CEP63: variants seen among roughly 807,000 people sequenced by gnomAD.
CEP63 encodes centrosomal protein of 63 kDa.
CEP63 carries 84 observed loss-of-function variants against 89.1 expected under a neutral mutation model. The observed-to-expected ratio is 0.94, with a 90% CI of 0.79 to 1.13. The LOEUF (loss-of-function observed/expected upper bound fraction) is 1.13. Ranked by LOEUF, CEP63 falls within the 50% of genes most tolerant of loss-of-function variation. The pLI, the probability that CEP63 is intolerant of heterozygous loss-of-function variation, is 0.00. For synonymous variants in CEP63, 267 were observed against 272.5 expected, an observed-to-expected ratio of 0.98 and a Z score of 0.20; for missense variants, 838 against 813.3, an observed-to-expected ratio of 1.03 and a Z score of -0.37.
the CEP63 span, among the ~76,000 whole-genome samples, chr3:134,752,706 C>T: frequency 0.022 from 3,317 of 152,274 alleles, 121 homozygotes; most frequent in African/African-American, 0.074. Context: ...TACAGGTGCA[C>T]GGGACCAGCA....
Position 134,561,433 on chromosome 3 carries a change from G to A in CEP63, c.2010G>A (p.Glu670=). ...TAGCTACCAGATTTTTGGAAGAGGA[G>A]GAACTGAGGTCTCATCACATTCTAG... is the stretch of plus-strand genomic sequence containing the variant. ...GSIATRFLEE[E]ELRSHHILER... is the part of the protein sequence containing the mutation. Residue 670 remains glutamate, a synonymous_variant, in exon 15 of 15, where the codon GAG becomes GAA. Transcript: ENST00000675561. 1 of 1,613,976 alleles carries A rather than the reference G, an allele frequency of 6.2e-7. No individual in the cohort carries two copies. The highest frequency in any genetic ancestry group is 1.1e-5 in the South Asian group (1 of 91,084).
chr3:134,753,816 A>G, the CEP63 span, among the ~76,000 whole-genome samples: 4 of 152,280 alleles, frequency 2.6e-5, no homozygotes, highest in South Asian at 4.1e-4. Context: ...GACAGAACAG[A>G]GTTCTCTAGG....
the CEP63 span, among the ~76,000 whole-genome samples, chr3:134,650,097 C>G: frequency 6.6e-6 from 1 of 152,208 alleles, no homozygotes. Flanking sequence ...ACATTGTGTT[C>G]TGTCGTCTGG....
chr3:134,619,916 G>C, the CEP63 span: 3 of 152,532 alleles, frequency 2.0e-5, no homozygotes, highest in Non-Finnish European at 4.4e-5. Flanking sequence ...AGCTGAGCTG[G>C]GGGTCTCTCA....
At chr3:134,778,917 G>T in the CEP63 span, among the ~76,000 whole-genome samples, 1 of 152,120 alleles carries the variant, frequency 6.6e-6, no homozygotes, top group Admixed American at 6.5e-5. Context: ...TTCTTATGTG[G>T]CTCCATGGTT....
chr3:134,748,928 G>A, the CEP63 span, among the ~76,000 whole-genome samples: 7 of 152,194 alleles, frequency 4.6e-5, no homozygotes, highest in Non-Finnish European at 1.0e-4. Flanking sequence ...ATCTGGGCAT[G>A]AGGGAAATGG....
At chr3:134,691,432 T>A in the CEP63 span, among the ~76,000 whole-genome samples, 5 of 150,196 alleles carry the variant, frequency 3.3e-5, no homozygotes, top group African/African-American at 1.2e-4. Context: ...CTGGGTAACA[T>A]GACAAGACCC....
intron 6 of CEP63, among the ~76,000 whole-genome samples, chr3:134,542,009 C>A: frequency 6.6e-6 from 1 of 151,818 alleles, no homozygotes; most frequent in Non-Finnish European, 1.5e-5. Flanking sequence ...TTTCTGTTGC[C>A]TACATAATGC....
At chr3:134,677,729 A>C in the CEP63 span, among the ~76,000 whole-genome samples, 1 of 151,826 alleles carries the variant, frequency 6.6e-6, no homozygotes, top group African/African-American at 2.4e-5. Context: ...CTCATGACTG[A>C]ATCCCTTGCC....
intron 1 of CEP63, 77 bp from the exon 2 acceptor site, chr3:134,495,219 C>A: frequency 1.9e-6 from 2 of 1,029,040 alleles, no homozygotes; most frequent in Non-Finnish European, 3.1e-6. Context: ...CTTTCATTCA[C>A]ATTCTTAAGT....
chr3:134,532,433 C>T (rs887677997), intron 4 of CEP63, among the ~76,000 whole-genome samples: 1 of 152,136 alleles, frequency 6.6e-6, no homozygotes, highest in Non-Finnish European at 1.5e-5. Flanking sequence ...TATCAGTGCC[C>T]TGCAAGAGCA....
the CEP63 span, among the ~76,000 whole-genome samples, chr3:134,679,839 C>A: frequency 6.6e-6 from 1 of 152,196 alleles, no homozygotes; most frequent in East Asian, 1.9e-4. Context: ...CCTCCCACCT[C>A]AGCCTCCAGA....
At chr3:134,593,544 C>G in the CEP63 span, among the ~76,000 whole-genome samples, 7 of 152,186 alleles carry the variant, frequency 4.6e-5, no homozygotes, top group African/African-American at 1.7e-4. Flanking sequence ...TACCTGCTGT[C>G]AAACAGGGGC....
intron 3 of CEP63, among the ~76,000 whole-genome samples, chr3:134,509,785 C>T (rs1430214381): frequency 6.6e-6 from 1 of 152,068 alleles, no homozygotes; most frequent in Non-Finnish European, 1.5e-5. Context: ...TTTTGTATGT[C>T]AATCATACCT....
intron 9 of CEP63, 115 bp downstream of exon 9, chr3:134,547,587 A>G (rs1486900345): frequency 9.9e-6 from 5 of 506,786 alleles, no homozygotes; most frequent in Non-Finnish European, 1.7e-5. Context: ...TTTTTCTAGT[A>G]TCCACAAATG....
chr3:134,552,243 A>T (rs1955046405), intron 12 of CEP63: 1 of 327,952 alleles, frequency 3.0e-6, no homozygotes, highest in Non-Finnish European at 5.8e-6. Context: ...CACTCTTGTT[A>T]CCCAGGCTGG....
the CEP63 span, chr3:134,627,915 C>T: frequency 1.2e-6 from 1 of 863,512 alleles, no homozygotes; most frequent in South Asian, 1.4e-5. Context: ...CTTTTGACCC[C>T]TCCTCTTTAC....
At chr3:134,641,721 C>G in the CEP63 span, among the ~76,000 whole-genome samples, 1 of 152,124 alleles carries the variant, frequency 6.6e-6, no homozygotes, top group Non-Finnish European at 1.5e-5. Context: ...CCCGCACAGC[C>G]CCAGACCCCA....
Position 134,547,379 on chromosome 3 carries a change from G to A in CEP63, c.974G>A (p.Gly325Glu), listed in dbSNP as rs1953643238. 6.2e-7 allele frequency: 1 copy of A among 1,613,584 alleles called. No individual in the cohort carries two copies. Among genetic ancestry groups the A allele is most frequent in the Admixed American group, 1.7e-5 (1 of 60,000 alleles). Reference protein sequence around the residue: ...SLAEKKYTSQGQGDLDSVLSQ... With the variant: ...SLAEKKYTSQEQGDLDSVLSQ... Reference sequence around the variant, plus strand: ...GCAGAAAAGAAGTACACCTCTCAAGGGCAGGGGGACTTAGACAGTGTGCTC... The same window carrying A: ...GCAGAAAAGAAGTACACCTCTCAAGAGCAGGGGGACTTAGACAGTGTGCTC... The change falls in exon 9 of 15, where the codon GGG becomes GAG. Residue 325 changes from glycine (G) to glutamate (E), a missense_variant. Coordinates refer to ENST00000675561, the MANE Select transcript of CEP63 (RefSeq NM_001353108.3).
Sources: allele counts gnomAD v4.1 joint callset (sites outside exome capture counted in the v4.1 genomes callset), GRCh38; gene constraint gnomAD v4.1.1; transcripts MANE v1.5; gene names NCBI Gene and HGNC (gene_info 2026-07-23, HGNC 2026-07-21).